The following IQCJ variants were observed in gnomAD, a reference collection of about 807,000 sequenced individuals.
IQCJ encodes the protein IQ domain-containing protein J.
A neutral mutation model predicts 11.0 loss-of-function variants in IQCJ; 9 were observed. That is an observed-to-expected ratio of 0.82 (90% CI 0.49 to 1.43). IQCJ has a LOEUF of 1.43. Among genes scored for constraint, IQCJ ranks in the 40% most tolerant of loss-of-function variants. The pLI, the probability that IQCJ is intolerant of heterozygous loss-of-function variation, is 0.00. For missense variants in IQCJ, 146 were observed against 133.2 expected, an observed-to-expected ratio of 1.10 and a Z score of -0.47; for synonymous variants, 55 against 51.3, an observed-to-expected ratio of 1.07 and a Z score of -0.31.
At chr3:159,201,511 CTGTGTG>C (rs59855853) in intron 1 of IQCJ, among the ~76,000 whole-genome samples, 8 of 149,094 alleles carry the variant, frequency 5.4e-5, no homozygotes, top group Non-Finnish European at 4.5e-5. Flanking sequence ...TTGTGTATCT[CTGTGTG>C]TGTGTGTGTG....
At chr3:159,217,700 G>A (rs891343162) in intron 1 of IQCJ, among the ~76,000 whole-genome samples, 1 of 151,784 alleles carries the variant, frequency 6.6e-6, no homozygotes, top group Non-Finnish European at 1.5e-5. Flanking sequence ...TCTCTTTTAT[G>A]TCTACTCCAC....
chr3:159,089,185 G>A (rs1717038995), intron 1 of IQCJ, among the ~76,000 whole-genome samples: 1 of 151,992 alleles, frequency 6.6e-6, no homozygotes, highest in Admixed American at 6.6e-5. Context: ...ATGAAGCTTA[G>A]TTTGGCTGGA....
intron 1 of IQCJ, among the ~76,000 whole-genome samples, chr3:159,133,526 G>T (rs1409621354): frequency 2.6e-5 from 4 of 152,136 alleles, no homozygotes; most frequent in Non-Finnish European, 5.9e-5. Context: ...CAGAGAAAAT[G>T]ATATTTAATG....
chr3:159,078,505 G>A (rs2108053360), intron 1 of IQCJ, among the ~76,000 whole-genome samples: 1 of 151,114 alleles, frequency 6.6e-6, no homozygotes, highest in Admixed American at 6.6e-5. Context: ...GCATGGAGCT[G>A]AACACAGAAG....
In IQCJ at chr3:159,227,899, TA is replaced by T. The variant is rs372645592; in HGVS notation, c.10-17943del. ...GCATGAGTATTTCGCATTGAAGAGATAGGGGTAAAGAATGGTCAGCAAGACA... is the reference window on the plus strand; with the variant it reads ...GCATGAGTATTTCGCATTGAAGAGATGGGGTAAAGAATGGTCAGCAAGACA... On this transcript the variant is annotated intron_variant, in intron 1 of 3. Coordinates refer to ENST00000397832, the MANE Select transcript of IQCJ (RefSeq NM_001042706.3). Among the ~76,000 whole-genome samples, 76 of 152,252 alleles carry T rather than the reference TA, an allele frequency of 5.0e-4. No individual in the cohort carries two copies. In the South Asian group the frequency reaches 0.015, roughly 30 times the overall value.
At position 159,252,015 on chromosome 3, in the gene IQCJ, C is replaced by G. The variant is rs185228494; in HGVS notation, c.75-712C>G. 2.9e-3 allele frequency among the ~76,000 whole-genome samples: 449 copies of G among 152,266 alleles called. 2 individuals carry two copies. The highest frequency in any genetic ancestry group is 4.8e-3 in the Non-Finnish European group (329 of 68,012). ...TTTGTTCTCCTATTTTTTTCATCCA[C>G]TTCGACCAAATTTCTCTTTATTTTC... On this transcript the variant is annotated intron_variant, in intron 2 of 3. Transcript: ENST00000397832.
In IQCJ at chr3:159,263,229, A is replaced by G. The variant is rs979283723; in HGVS notation, c.*498A>G. On this transcript the variant is annotated 3_prime_UTR_variant, in exon 4 of 4. Coordinates refer to ENST00000397832, the MANE Select transcript of IQCJ (RefSeq NM_001042706.3). ...AGGGCAGCGCACTTGGCTCCTGACA[A>G]TGTGACACCATGTGGCGATACAGGC... 8 of 326,230 alleles carry G rather than the reference A, an allele frequency of 2.5e-5. No homozygotes were observed. The highest frequency in any genetic ancestry group is 1.3e-4 in the African/African-American group (6 of 44,562). The allele number at this position is 326,230 out of a possible 1,614,324, so 20.2% of individuals were successfully genotyped here.
At chr3:159,090,233 G>GGGGGTCA (rs1186666342) in intron 1 of IQCJ, among the ~76,000 whole-genome samples, 12 of 151,480 alleles carry the variant, frequency 7.9e-5, no homozygotes, top group African/African-American at 1.2e-4. Flanking sequence ...AGGCTGCTCG[G>GGGGGTCA]GGGGTCAGGG....
chr3:159,148,293 G>T (rs1309427667), intron 1 of IQCJ, among the ~76,000 whole-genome samples: 2 of 152,134 alleles, frequency 1.3e-5, no homozygotes, highest in Non-Finnish European at 2.9e-5. Flanking sequence ...TCCTATGTCT[G>T]TTTTTGTTTT....
At chr3:159,088,004 T>C (rs1377940130) in intron 1 of IQCJ, among the ~76,000 whole-genome samples, 1 of 151,918 alleles carries the variant, frequency 6.6e-6, no homozygotes, top group Non-Finnish European at 1.5e-5. Context: ...CTTTTAATTG[T>C]GATGTTAGGG....
intron 1 of IQCJ, among the ~76,000 whole-genome samples, chr3:159,141,263 C>T (rs1261941479): frequency 6.6e-6 from 1 of 152,136 alleles, no homozygotes. Context: ...TGAGCATTGT[C>T]AGGCTAGGAA....
At chr3:159,192,631 G>A (rs972484217) in intron 1 of IQCJ, among the ~76,000 whole-genome samples, 6 of 152,224 alleles carry the variant, frequency 3.9e-5, no homozygotes, top group African/African-American at 7.2e-5. Context: ...AGAAGGGGGC[G>A]GAACCTTAGG....
At chr3:159,152,248 T>C (rs1374272996) in intron 1 of IQCJ, among the ~76,000 whole-genome samples, 1 of 152,302 alleles carries the variant, frequency 6.6e-6, no homozygotes, top group Middle Eastern at 3.4e-3. Flanking sequence ...ATGATGGCTG[T>C]GAAATCAGGT....
chr3:159,216,616 C>T (rs1035199270), intron 1 of IQCJ, among the ~76,000 whole-genome samples: 8 of 152,142 alleles, frequency 5.3e-5, no homozygotes, highest in African/African-American at 1.9e-4. Flanking sequence ...TGTTTCCTGC[C>T]CATTGCCTAA....
At chr3:159,157,013 A>G (rs1721561789) in intron 1 of IQCJ, among the ~76,000 whole-genome samples, 1 of 152,168 alleles carries the variant, frequency 6.6e-6, no homozygotes, top group African/African-American at 2.4e-5. Flanking sequence ...ATAATCCAAA[A>G]GTCAGTTATA....
At chr3:159,140,751 T>C (rs892486705) in intron 1 of IQCJ, among the ~76,000 whole-genome samples, 1 of 152,150 alleles carries the variant, frequency 6.6e-6, no homozygotes, top group African/African-American at 2.4e-5. Flanking sequence ...ATCTGTAAAA[T>C]GAGAATGATG....
rs531799018 is a variant in IQCJ at position 159,208,423 on chromosome 3, C to T, written c.10-37420C>T. Among the ~76,000 whole-genome samples, 110 of 152,314 alleles carry T rather than the reference C, an allele frequency of 7.2e-4. 1 individual carries two copies. Among genetic ancestry groups the T allele is most frequent in the African/African-American group, 2.3e-3 (97 of 41,570 alleles). On this transcript the variant is annotated intron_variant, in intron 1 of 3. Transcript: ENST00000397832. ...ACACTCTGCCCACTGACAGTATTCT[C>T]TGTGGTATTTTTGGCTCCTACTGTT...
At chr3:159,224,055 T>C (rs1038580874) in intron 1 of IQCJ, among the ~76,000 whole-genome samples, 4 of 150,692 alleles carry the variant, frequency 2.7e-5, no homozygotes, top group African/African-American at 9.8e-5. Flanking sequence ...AATATTAAAA[T>C]ATCATTTCCC....
intron 1 of IQCJ, among the ~76,000 whole-genome samples, chr3:159,236,172 T>C (rs1726571395): frequency 6.6e-6 from 1 of 151,964 alleles, no homozygotes; most frequent in Non-Finnish European, 1.5e-5. Flanking sequence ...AAATTCGTGT[T>C]TAGCTGCAAG....
Sources: allele counts gnomAD v4.1 joint callset (sites outside exome capture counted in the v4.1 genomes callset), GRCh38; gene constraint gnomAD v4.1.1; transcripts MANE v1.5; gene names NCBI Gene and HGNC (gene_info 2026-07-23, HGNC 2026-07-21).